Variants in PCSK5 observed in about 807,000 individuals in gnomAD.
PCSK5 encodes the protein proprotein convertase subtilisin/kexin type 5.
A neutral mutation model predicts 233.2 loss-of-function variants in PCSK5; 129 were observed. The ratio of observed to expected loss-of-function variants is 0.55; its 90% CI spans 0.48 to 0.64. The LOEUF (loss-of-function observed/expected upper bound fraction) is 0.64. PCSK5 is among the 30% of genes least tolerant of loss of function. The pLI, the probability that PCSK5 is intolerant of heterozygous loss-of-function variation, is 0.00. For synonymous variants in PCSK5, 825 were observed against 879.2 expected, an observed-to-expected ratio of 0.94 and a Z score of 1.09; for missense variants, 2,076 against 2,430.1, an observed-to-expected ratio of 0.85 and a Z score of 3.06.
intron 30 of PCSK5, among the ~76,000 whole-genome samples, chr9:76,317,781 G>A (rs193023995): frequency 1.3e-5 from 2 of 152,302 alleles, no homozygotes; most frequent in African/African-American, 2.4e-5. Flanking sequence ...CCTTCTACGC[G>A]TTTGTCATGG....
intron 24 of PCSK5, among the ~76,000 whole-genome samples, chr9:76,242,915 TCC>T (rs1416810275): frequency 1.1e-4 from 17 of 152,330 alleles, no homozygotes; most frequent in African/African-American, 3.8e-4. Context: ...AGATCTTCCT[TCC>T]ATAGCTTCAA....
intron 3 of PCSK5, among the ~76,000 whole-genome samples, chr9:76,018,650 T>C (rs539689056): frequency 7.2e-6 from 1 of 139,158 alleles, no homozygotes; most frequent in East Asian, 2.9e-4. Flanking sequence ...GGACCGCTAT[T>C]CTAAAGAACT....
intron 1 of PCSK5, among the ~76,000 whole-genome samples, chr9:75,896,400 A>G (rs954546255): frequency 6.6e-6 from 1 of 152,172 alleles, no homozygotes; most frequent in African/African-American, 2.4e-5. Context: ...CTAACCTTAA[A>G]GGTCAGCCAG....
chr9:76,030,571 C>A (rs1258272791), intron 5 of PCSK5, among the ~76,000 whole-genome samples: 1 of 149,294 alleles, frequency 6.7e-6, no homozygotes, highest in African/African-American at 2.4e-5. Flanking sequence ...ATAACACATA[C>A]TAATAACAAA....
In PCSK5 at chr9:76,338,265, G is replaced by A. The variant is rs1456293571; in HGVS notation, c.4784G>A (p.Arg1595Lys). 5.6e-6 allele frequency: 9 copies of A among 1,612,458 alleles called. No homozygotes were observed. The highest frequency in any genetic ancestry group is 7.6e-6 in the Non-Finnish European group (9 of 1,179,598). Residue 1595 changes from arginine (R) to lysine (K), a missense_variant, in exon 35 of 38, where the codon AGG (arginine) becomes AAG (lysine). Arg to Lys is a conservative substitution (Grantham distance 26). Coordinates refer to ENST00000674117, the MANE Select transcript of PCSK5 (RefSeq NM_001372043.1). ...YADNSTGRCERCNRSCKGCQG... is the reference protein window; with the variant it reads ...YADNSTGRCEKCNRSCKGCQG... ...GACAACTCCACTGGCCGGTGTGAGAGGTGCAACAGGAGCTGCAAGGGGTGC... is the reference window on the plus strand; with the variant it reads ...GACAACTCCACTGGCCGGTGTGAGAAGTGCAACAGGAGCTGCAAGGGGTGC...
Position 76,096,188 on chromosome 9 carries a change from T to C in PCSK5, c.1107+86T>C, listed in dbSNP as rs11144748. The C allele has an allele frequency of 4.9e-3, 3,207 of 658,884 alleles. 51 individuals carry two copies. Among genetic ancestry groups the C allele is most frequent in the African/African-American group, 0.045 (2,371 of 52,242 alleles). 40.8% of individuals were successfully genotyped at this position (658,884 alleles called of 1,614,324 possible). A position where few individuals can be genotyped will look rare whatever the true frequency, so the allele number is the denominator to read the frequency against. ...AGGGAGAACCATAAACATATATATATATACACACACACACACACACACACA... is the reference window on the plus strand; with the variant it reads ...AGGGAGAACCATAAACATATATATACATACACACACACACACACACACACA... On this transcript the variant is annotated intron_variant, in intron 8 of 37. Transcript: ENST00000674117.
intron 3 of PCSK5, among the ~76,000 whole-genome samples, chr9:75,990,466 C>T (rs1826720921): frequency 6.6e-6 from 1 of 152,176 alleles, no homozygotes; most frequent in Non-Finnish European, 1.5e-5. Flanking sequence ...GAGATGATAG[C>T]TGTATAATTA....
chr9:75,982,749 CTT>C (rs528976970), intron 2 of PCSK5, among the ~76,000 whole-genome samples: 8 of 100,728 alleles, frequency 7.9e-5, no homozygotes, highest in Non-Finnish European at 1.7e-4. Context: ...CCCTGTGGTG[CTT>C]TTTTTTTTTT....
At chr9:76,193,307 G>A (rs201957144) in intron 20 of PCSK5, 243 of 1,612,100 alleles carry the variant, frequency 1.5e-4, no homozygotes, top group Non-Finnish European at 2.0e-4. Context: ...GCCAACGGAA[G>A]GTTCTTCAAC....
At chr9:76,309,544 A>G (rs1193282449) in intron 29 of PCSK5, among the ~76,000 whole-genome samples, 1 of 152,124 alleles carries the variant, frequency 6.6e-6, no homozygotes, top group Admixed American at 6.5e-5. Flanking sequence ...AAATACAAAA[A>G]TTAGCCACAT....
intron 37 of PCSK5, among the ~76,000 whole-genome samples, chr9:76,356,022 G>T (rs1277234233): frequency 6.6e-6 from 1 of 152,040 alleles, no homozygotes; most frequent in Non-Finnish European, 1.5e-5. Context: ...ATTTTCAATT[G>T]GGTTTTAAGT....
At chr9:76,044,467 G>T (rs1409598643) in intron 5 of PCSK5, among the ~76,000 whole-genome samples, 1 of 152,136 alleles carries the variant, frequency 6.6e-6, no homozygotes, top group Non-Finnish European at 1.5e-5. Flanking sequence ...AAGGTTGTAG[G>T]AATAACTTAG....
chr9:76,089,341 C>G (rs538118439), intron 7 of PCSK5, among the ~76,000 whole-genome samples: 1 of 152,132 alleles, frequency 6.6e-6, no homozygotes, highest in South Asian at 2.1e-4. Context: ...TGCCTCATTC[C>G]AAAGTTGTTT....
chr9:75,919,250 T>A (rs1284667212), intron 1 of PCSK5, among the ~76,000 whole-genome samples: 1 of 152,232 alleles, frequency 6.6e-6, no homozygotes, highest in African/African-American at 2.4e-5. Flanking sequence ...TTTTCCTTTG[T>A]TGTAATGCAT....
At chr9:75,963,970 G>T (rs1825466934) in intron 2 of PCSK5, among the ~76,000 whole-genome samples, 1 of 152,214 alleles carries the variant, frequency 6.6e-6, no homozygotes, top group African/African-American at 2.4e-5. Flanking sequence ...TCCCAGCTCT[G>T]CACATTTTTA....
chr9:76,067,997 C>T lies in PCSK5; in HGVS notation c.675C>T (p.Asn225=). 1.2e-6 allele frequency: 2 copies of T among 1,614,098 alleles called. No individual in the cohort carries two copies. The highest frequency in any genetic ancestry group is 1.7e-6 in the Non-Finnish European group (2 of 1,179,980). The change falls in exon 6 of 38, where the codon AAC becomes AAT. Residue 225 remains asparagine (N), a synonymous_variant. Coordinates refer to ENST00000674117, the MANE Select transcript of PCSK5 (RefSeq NM_001372043.1). ...CTGGAGAAGTGGCAGCCGCTGCAAA[C>T]AATTCGCACTGCACAGTCGGAATTG... ...RCAGEVAAAA[N]NSHCTVGIAF... is the part of the protein sequence containing the mutation.
chr9:75,995,026 A>T (rs1306911474), intron 3 of PCSK5, among the ~76,000 whole-genome samples: 1 of 152,070 alleles, frequency 6.6e-6, no homozygotes, highest in Non-Finnish European at 1.5e-5. Flanking sequence ...AACATACCAA[A>T]TTCCTTCCCT....
chr9:76,093,872 T>TAC (rs1831400637), intron 7 of PCSK5, among the ~76,000 whole-genome samples: 2 of 152,318 alleles, frequency 1.3e-5, no homozygotes, highest in African/African-American at 4.8e-5. Context: ...CTGTAGTTTC[T>TAC]CAGTCTGACC....
At chr9:76,265,993 T>C (rs1827321719) in intron 24 of PCSK5, among the ~76,000 whole-genome samples, 1 of 152,204 alleles carries the variant, frequency 6.6e-6, no homozygotes, top group Non-Finnish European at 1.5e-5. Flanking sequence ...CAGTTTTTCT[T>C]TTGATTTATA....
Sources: gnomAD v4.1 joint callset for allele counts (sites outside exome capture counted in the v4.1 genomes callset) on GRCh38, gnomAD v4.1.1 for gene constraint, MANE v1.5 for transcripts, NCBI Gene and HGNC (gene_info 2026-07-23, HGNC 2026-07-21) for gene names.